LAP3: variants seen among roughly 807,000 people sequenced by gnomAD.
The protein encoded by LAP3 is leucine aminopeptidase 3, also known as cytosol aminopeptidase.
Under a neutral mutation model 58.8 loss-of-function variants are expected in LAP3, and 46 were observed. That is an observed-to-expected ratio of 0.78 (90% CI 0.62 to 1.00). LAP3 has a LOEUF of 1.00. Ranked by LOEUF, LAP3 falls within the 50% of genes least tolerant of loss-of-function variation. The pLI is 0.00. For synonymous variants in LAP3, 257 were observed against 237.7 expected, an observed-to-expected ratio of 1.08 and a Z score of -0.75; for missense variants, 615 against 659.1, an observed-to-expected ratio of 0.93 and a Z score of 0.73.
Position 17,583,509 on chromosome 4 carries a change from G to A in LAP3, c.406G>A (p.Glu136Lys). 6.2e-7 allele frequency: 1 copy of A among 1,614,030 alleles called. No individual in the cohort carries two copies. Among genetic ancestry groups the A allele is most frequent in the Non-Finnish European group, 8.5e-7 (1 of 1,180,028 alleles). Residue 136 changes from glutamate to lysine, a missense_variant, in exon 5 of 13, where the codon GAG (glutamate) becomes AAG (lysine). Glu to Lys is a moderately conservative substitution (Grantham distance 56, BLOSUM62 1). Coordinates refer to ENST00000226299, the MANE Select transcript of LAP3 (RefSeq NM_015907.3). Reference protein sequence around the residue: ...AAGCRQIQDLELSSVEVDPCG... With the variant: ...AAGCRQIQDLKLSSVEVDPCG... ...GGGGTGCAGGCAGATTCAAGACCTG[G>A]AGCTCTCGTCTGTGGAGGTGGATCC...
Position 17,577,391 on chromosome 4 carries a change from C to T in LAP3, c.-75C>T. 1 of 1,204,318 alleles carries T rather than the reference C, an allele frequency of 8.3e-7. No individual in the cohort carries two copies. Among genetic ancestry groups the T allele is most frequent in the Non-Finnish European group, 1.1e-6 (1 of 895,710 alleles). The allele number at this position is 1,204,318 out of a possible 1,614,324, so 74.6% of individuals were successfully genotyped here. ...CGCACGCCGTCTGCGCCCCGAAAGC[C>T]CCGCCCCAAGGCGCGCCCGCCCACC... On this transcript the variant is annotated 5_prime_UTR_variant, in exon 1 of 13. Coordinates refer to ENST00000226299, the MANE Select transcript of LAP3 (RefSeq NM_015907.3).
chr4:17,589,310 C>G (rs756120960), intron 7 of LAP3, among the ~76,000 whole-genome samples: 1 of 152,146 alleles, frequency 6.6e-6, no homozygotes, highest in Non-Finnish European at 1.5e-5. Context: ...ATCCGCCCAC[C>G]TCAGCCTCCC....
At chr4:17,580,891 C>G (rs1239930722) in intron 2 of LAP3, among the ~76,000 whole-genome samples, 4 of 152,174 alleles carry the variant, frequency 2.6e-5, no homozygotes, top group Non-Finnish European at 5.9e-5. Context: ...TATAGATAGC[C>G]TATTGGAACC....
At chr4:17,601,105 A>T (rs1019371593) in intron 10 of LAP3, among the ~76,000 whole-genome samples, 1 of 152,188 alleles carries the variant, frequency 6.6e-6, no homozygotes, top group Non-Finnish European at 1.5e-5. Flanking sequence ...CTTGGGCATA[A>T]TTTAGGATTG....
intron 1 of LAP3, among the ~76,000 whole-genome samples, chr4:17,578,300 T>A (rs1713266297): frequency 1.3e-5 from 2 of 152,210 alleles, no homozygotes; most frequent in Admixed American, 6.5e-5. Context: ...ACCAGTCGCC[T>A]GACCAGTGCT....
At chr4:17,605,325 C>T (rs1447686237) in intron 11 of LAP3, among the ~76,000 whole-genome samples, 1 of 152,174 alleles carries the variant, frequency 6.6e-6, no homozygotes, top group Non-Finnish European at 1.5e-5. Context: ...GTGTTTGTTC[C>T]CTTTGGCCGC....
At chr4:17,593,332 C>G (rs1486091418) in intron 7 of LAP3, among the ~76,000 whole-genome samples, 1 of 151,550 alleles carries the variant, frequency 6.6e-6, no homozygotes, top group Non-Finnish European at 1.5e-5. Flanking sequence ...TCCTATGTGG[C>G]TGTTCATTTA....
At chr4:17,581,546 C>T (rs1298289136) in intron 2 of LAP3, among the ~76,000 whole-genome samples, 1 of 149,638 alleles carries the variant, frequency 6.7e-6, no homozygotes, top group African/African-American at 2.5e-5. Context: ...TGAGACCAGC[C>T]TAGGCAACAG....
chr4:17,578,297 G>C (rs1713266199), intron 1 of LAP3, among the ~76,000 whole-genome samples: 1 of 152,154 alleles, frequency 6.6e-6, no homozygotes, highest in Non-Finnish European at 1.5e-5. Context: ...GGGACCAGTC[G>C]CCTGACCAGT....
intron 11 of LAP3, among the ~76,000 whole-genome samples, chr4:17,605,092 C>T (rs1214885805): frequency 1.3e-5 from 2 of 150,468 alleles, no homozygotes; most frequent in East Asian, 3.9e-4. Flanking sequence ...TCACAGCCAG[C>T]CTCTTCCCAG....
chr4:17,580,187 T>A (rs1713320250), intron 2 of LAP3, among the ~76,000 whole-genome samples: 1 of 96,576 alleles, frequency 1.0e-5, no homozygotes, highest in African/African-American at 4.9e-5. Flanking sequence ...TATATGTATT[T>A]TTTTTTTTTT....
At chr4:17,585,818 T>C (rs1202759380) in intron 6 of LAP3, 1 of 152,258 alleles carries the variant, frequency 6.6e-6, no homozygotes, top group Admixed American at 6.5e-5. Flanking sequence ...CATTAGCAGT[T>C]ACTCCCTGTT....
rs1713219099 is a variant in LAP3, at chr4:17,577,278, G to A, written c.-188G>A. On this transcript the variant is annotated 5_prime_UTR_variant, in exon 1 of 13. Transcript: ENST00000226299. ...TGAGTCCCCTCCACAACCGCGGTTT[G>A]ATCCCAGCGGTCCAGTCGGCCGGTG... 3 of 474,936 alleles carry A rather than the reference G, an allele frequency of 6.3e-6. No individual in the cohort carries two copies. The highest frequency in any genetic ancestry group is 1.1e-5 in the Non-Finnish European group (3 of 270,258). 29.4% of individuals were successfully genotyped at this position (474,936 alleles called of 1,614,324 possible).
At position 17,598,497 on chromosome 4, in the gene LAP3, T is replaced by C; in HGVS notation, c.1119T>C (p.Asp373=). The C allele has an allele frequency of 1.2e-6, 2 of 1,614,226 alleles. No individual in the cohort carries two copies. The highest frequency in any genetic ancestry group is 1.7e-6 in the Non-Finnish European group (2 of 1,180,038). Residue 373 remains aspartate, a synonymous_variant, in exon 10 of 13, where the codon GAT becomes GAC. Transcript: ENST00000226299. Reference sequence around the variant, plus strand: ...CTGAGGGGAGGCTCATACTGGCTGATGCGCTCTGTTACGCACACACGTTTA... The same window carrying C: ...CTGAGGGGAGGCTCATACTGGCTGACGCGCTCTGTTACGCACACACGTTTA... ...TDAEGRLILA[D]ALCYAHTFNP... is the part of the protein sequence containing the mutation.
intron 10 of LAP3, among the ~76,000 whole-genome samples, chr4:17,600,442 A>C (rs1430288550): frequency 1.3e-5 from 2 of 152,164 alleles, no homozygotes; most frequent in East Asian, 3.8e-4. Context: ...CAGTGAAGCG[A>C]GTACCCCCTT....
intron 11 of LAP3, among the ~76,000 whole-genome samples, chr4:17,606,027 C>T (rs1230642465): frequency 1.3e-5 from 2 of 152,132 alleles, no homozygotes; most frequent in Non-Finnish European, 2.9e-5. Flanking sequence ...TCTGTTTCTC[C>T]TACTAGCCTG....
chr4:17,598,943 A>G (rs1164856023), intron 10 of LAP3, among the ~76,000 whole-genome samples: 1 of 151,906 alleles, frequency 6.6e-6, no homozygotes, highest in Non-Finnish European at 1.5e-5. Flanking sequence ...TTGCCATGTT[A>G]GCCAGGCTGG....
At chr4:17,577,847 C>G (rs1463226768) in intron 1 of LAP3, among the ~76,000 whole-genome samples, 1 of 152,204 alleles carries the variant, frequency 6.6e-6, no homozygotes, top group East Asian at 1.9e-4. Context: ...CAGTCGTCAC[C>G]CGCGGTCCTG....
intron 7 of LAP3, 86 bp downstream of exon 7, chr4:17,589,063 ATTTTT>A: frequency 2.8e-6 from 3 of 1,079,514 alleles, no homozygotes; most frequent in Non-Finnish European, 2.6e-6. Context: ...TTTTGGTTTG[ATTTTT>A]TTTTTTTTTT....
Sources: gnomAD v4.1 joint callset for allele counts (sites outside exome capture counted in the v4.1 genomes callset) on GRCh38, gnomAD v4.1.1 for gene constraint, MANE v1.5 for transcripts, NCBI Gene and HGNC (gene_info 2026-07-23, HGNC 2026-07-21) for gene names.